Variants in SMARCA1 observed in about 807,000 individuals in gnomAD.
SMARCA1 encodes SWI/SNF-related matrix-associated actin-dependent regulator of chromatin subfamily A member 1.
SMARCA1 carries 17 observed loss-of-function variants against 93.6 expected under a neutral mutation model. That is an observed-to-expected ratio of 0.18 (90% CI 0.12 to 0.27). The LOEUF (loss-of-function observed/expected upper bound fraction) is 0.27, where lower values mean the gene tolerates loss of function less well. Ranked by LOEUF, SMARCA1 falls within the 10% of genes least tolerant of loss-of-function variation. The probability of loss-of-function intolerance (pLI) is 1.00; values close to 1 mark genes in which losing one functional copy is unlikely to be tolerated. For synonymous variants in SMARCA1, 271 were observed against 271.4 expected, an observed-to-expected ratio of 1.00 and a Z score of 0.01; for missense variants, 630 against 819.0, an observed-to-expected ratio of 0.77 and a Z score of 2.82.
At chrX:129,491,910 T>C in intron 14 of SMARCA1, 31 bp downstream of exon 14, 2 of 1,096,296 alleles carry the variant, frequency 1.8e-6, no homozygotes, top group Non-Finnish European at 2.5e-6. Flanking sequence ...AGAGCTATGA[T>C]AAATTTCTGA....
At position 129,522,249 on chromosome X, in the gene SMARCA1, G is replaced by A. The variant is rs1234754582; in HGVS notation, c.174+948C>T. Among the ~76,000 whole-genome samples the A allele has an allele frequency of 3.7e-5, 4 of 109,478 alleles. No homozygotes were observed. In the East Asian group the frequency reaches 1.1e-3, roughly 31 times the overall value. On this transcript the variant is annotated intron_variant, in intron 1 of 24. Transcript: ENST00000371121. ...ATTTTCTGGATTGGCTTTAATATGT[G>A]TCAGAGCAGTTCCCTTACGTTAGAA... is the stretch of plus-strand genomic sequence containing the variant.
intron 17 of SMARCA1, among the ~76,000 whole-genome samples, chrX:129,483,920 A>G (rs983780945): frequency 1.8e-5 from 2 of 112,106 alleles, no homozygotes; most frequent in African/African-American, 6.5e-5. Context: ...CTTCTCCTCA[A>G]AAGATAATTT....
chrX:129,507,017 G>T (rs1223522133), intron 7 of SMARCA1, among the ~76,000 whole-genome samples: 2 of 111,640 alleles, frequency 1.8e-5, no homozygotes, highest in Non-Finnish European at 3.8e-5. Flanking sequence ...CAAAAGAATG[G>T]TAATCATATG....
chrX:129,485,158 TAATTCATGAGA>T (rs2124260313), intron 17 of SMARCA1, among the ~76,000 whole-genome samples: 1 of 112,239 alleles, frequency 8.9e-6, no homozygotes, highest in East Asian at 2.8e-4. Flanking sequence ...CACCATACTC[TAATTCATGAGA>T]ACAGCCACGT....
chrX:129,454,007 A>T (rs1454318695), intron 23 of SMARCA1, among the ~76,000 whole-genome samples: 1 of 111,817 alleles, frequency 8.9e-6, no homozygotes, highest in Non-Finnish European at 1.9e-5. Context: ...AAAAAGAACA[A>T]AGCTGGAGGC....
intron 19 of SMARCA1, among the ~76,000 whole-genome samples, chrX:129,474,842 G>T (rs1320008686): frequency 9.1e-6 from 1 of 110,439 alleles, no homozygotes; most frequent in Non-Finnish European, 1.9e-5. Flanking sequence ...TTGAATCATG[G>T]GGGCAGGTCT....
At chrX:129,454,790 TCCC>T (rs1317240789) in intron 23 of SMARCA1, among the ~76,000 whole-genome samples, 1 of 110,640 alleles carries the variant, frequency 9.0e-6, no homozygotes, top group Admixed American at 9.7e-5. Flanking sequence ...ATGCTATCCC[TCCC>T]CCCATGAACA....
At position 129,465,948 on chromosome X, in the gene SMARCA1, G is replaced by A. The variant is rs754058674; in HGVS notation, c.2713C>T (p.Arg905Cys). The A allele has an allele frequency of 2.7e-6, 3 of 1,091,078 alleles. No homozygotes were observed. The highest frequency in any genetic ancestry group is 3.1e-5 in the East Asian group (1 of 32,477). 89.9% of individuals were successfully genotyped at this position (1,091,078 alleles called of 1,213,427 possible). The change falls in exon 22 of 25, where the codon CGT becomes TGT. Residue 905 changes from arginine (R) to cysteine (C), a missense_variant. Transcript: ENST00000371121. ...VMEYSAVFWE[R>C]CNELQDIEKI... ...TCAATGTCCTGTAATTCATTGCAAC[G>A]TTCCCAAAATACAGCTGAAAAACAG...
At position 129,494,703 on chromosome X, in the gene SMARCA1, G is replaced by C. The variant is rs1934255842; in HGVS notation, c.1627-1628C>G. Among the ~76,000 whole-genome samples the C allele has an allele frequency of 3.6e-5, 4 of 111,563 alleles. No homozygotes were observed. The Admixed American group carries it at 3.8e-4, about 11-fold the overall frequency. ...GTACTGCAATATGCCGTTTAAAACT[G>C]TGCTCATACCTATTATATCCTCACA... On this transcript the variant is annotated intron_variant, in intron 12 of 24. Transcript: ENST00000371121.
At chrX:129,509,775 C>A (rs1031439576) in intron 6 of SMARCA1, among the ~76,000 whole-genome samples, 8 of 111,497 alleles carry the variant, frequency 7.2e-5, no homozygotes, top group Admixed American at 3.8e-4. Flanking sequence ...GAAATCAAAC[C>A]CATTTCTATG....
At chrX:129,483,405 C>CTA (rs34637872) in intron 17 of SMARCA1, among the ~76,000 whole-genome samples, 46,077 of 109,866 alleles carry the variant, frequency 0.42, 9,160 homozygotes, top group African/African-American at 0.77. Context: ...CTCTAAGAGC[C>CTA]TGAGATACCG....
At chrX:129,448,308 G>C in intron 24 of SMARCA1, 25 bp downstream of exon 24, 1 of 1,199,661 alleles carries the variant, frequency 8.3e-7, no homozygotes, top group South Asian at 1.8e-5. Context: ...CTACCTAAAA[G>C]TTAGGAAAAT....
intron 12 of SMARCA1, among the ~76,000 whole-genome samples, chrX:129,493,779 T>C (rs1934214222): frequency 8.9e-6 from 1 of 112,113 alleles, no homozygotes; most frequent in Non-Finnish European, 1.9e-5. Context: ...TTGACAAATG[T>C]TAGTTCCTTT....
chrX:129,492,897 TA>T lies in SMARCA1; in HGVS notation c.1662+142del, dbSNP rs1214076533. On this transcript the variant is annotated intron_variant, in intron 13 of 24. Transcript: ENST00000371121. The stretch of plus-strand genomic sequence containing the variant: ...CAACATAATAACATTTTTGAAGATT[TA>T]AAAAAAATGATAATACTCAATGTTG... 37 of 299,098 alleles carry T rather than the reference TA, an allele frequency of 1.2e-4. No homozygotes were observed. In the South Asian group the frequency reaches 3.9e-3, roughly 31 times the overall value. 24.6% of individuals were successfully genotyped at this position (299,098 alleles called of 1,213,427 possible).
At chrX:129,465,420 T>C (rs1932885961) in intron 23 of SMARCA1, 100 bp downstream of exon 23, 2 of 529,621 alleles carry the variant, frequency 3.8e-6, no homozygotes, top group Non-Finnish European at 6.4e-6. Context: ...AGCGCCAATG[T>C]GTCAAAATGT....
At chrX:129,511,347 T>A (rs996368498) in intron 6 of SMARCA1, among the ~76,000 whole-genome samples, 4 of 112,109 alleles carry the variant, frequency 3.6e-5, no homozygotes, top group African/African-American at 1.3e-4. Flanking sequence ...GAGGTTCCAG[T>A]TGTGTACATG....
intron 19 of SMARCA1, among the ~76,000 whole-genome samples, chrX:129,477,460 G>C (rs1933438882): frequency 2.7e-5 from 3 of 110,811 alleles, no homozygotes; most frequent in African/African-American, 9.9e-5. Context: ...GGCTGAGGCA[G>C]GAGAATCAAT....
At chrX:129,500,343 T>C (rs1351185134) in intron 9 of SMARCA1, among the ~76,000 whole-genome samples, 1 of 111,746 alleles carries the variant, frequency 8.9e-6, no homozygotes, top group East Asian at 2.8e-4. Flanking sequence ...CATTTTTGTA[T>C]CTTTAGTAGA....
chrX:129,504,862 C>T (rs1182615549), intron 8 of SMARCA1, 60 bp from the exon 9 acceptor site: 9 of 701,790 alleles, frequency 1.3e-5, no homozygotes, highest in Non-Finnish European at 1.6e-5. Context: ...ACCCGATATT[C>T]TGTAGATTCT....
Sources: allele counts gnomAD v4.1 joint callset (sites outside exome capture counted in the v4.1 genomes callset), GRCh38; gene constraint gnomAD v4.1.1; transcripts MANE v1.5; gene names NCBI Gene and HGNC (gene_info 2026-07-23, HGNC 2026-07-21).